ZNF385D: variants seen among roughly 807,000 people sequenced by gnomAD.
The protein encoded by ZNF385D is zinc finger protein 385D, also known as zinc finger protein 659.
ZNF385D carries 15 observed loss-of-function variants against 35.8 expected under a neutral mutation model. That is an observed-to-expected ratio of 0.42 (90% CI 0.28 to 0.64). ZNF385D has a LOEUF of 0.64. Ranked by LOEUF, ZNF385D falls within the 30% of genes least tolerant of loss-of-function variation. ZNF385D has a pLI of 0.23. For synonymous variants in ZNF385D, 212 were observed against 186.8 expected (o/e 1.13, Z -1.10); for missense variants, 474 against 494.6 (o/e 0.96, Z 0.39).
intron 3 of ZNF385D, among the ~76,000 whole-genome samples, chr3:21,876,964 C>G (rs1439794144): frequency 1.3e-5 from 2 of 151,976 alleles, no homozygotes; most frequent in Non-Finnish European, 2.9e-5. Context: ...TTTCCCATTC[C>G]AAGGAAGGAT....
At chr3:21,545,277 T>C (rs1402830006) in intron 3 of ZNF385D, among the ~76,000 whole-genome samples, 2 of 152,184 alleles carry the variant, frequency 1.3e-5, no homozygotes, top group Non-Finnish European at 2.9e-5. Flanking sequence ...GTGATAACTT[T>C]AGAGATTGTA....
At chr3:21,758,392 T>C (rs940413639) in intron 3 of ZNF385D, among the ~76,000 whole-genome samples, 1 of 152,112 alleles carries the variant, frequency 6.6e-6, no homozygotes, top group African/African-American at 2.4e-5. Flanking sequence ...GCAACTCTTG[T>C]TGTGGAAGGA....
chr3:22,184,899 T>G (rs1407329369), intron 2 of ZNF385D, among the ~76,000 whole-genome samples: 1 of 152,192 alleles, frequency 6.6e-6, no homozygotes, highest in East Asian at 1.9e-4. Context: ...AGATACCTGT[T>G]TTTAAAATTT....
intron 5 of ZNF385D, among the ~76,000 whole-genome samples, chr3:21,436,136 C>T (rs938459693): frequency 4.6e-5 from 7 of 151,830 alleles, no homozygotes; most frequent in East Asian, 3.9e-4. Context: ...TCATTGTTTG[C>T]GAGACTGTGT....
chr3:22,222,269 C>G (rs1304348655), intron 2 of ZNF385D, among the ~76,000 whole-genome samples: 1 of 151,826 alleles, frequency 6.6e-6, no homozygotes, highest in Non-Finnish European at 1.5e-5. Context: ...TCCGGCTAAC[C>G]ACTCTCAATT....
intron 3 of ZNF385D, among the ~76,000 whole-genome samples, chr3:21,923,661 G>C (rs1438043568): frequency 6.6e-6 from 1 of 151,782 alleles, no homozygotes; most frequent in South Asian, 2.1e-4. Flanking sequence ...ACACAACATG[G>C]AATACTATGC....
At chr3:21,535,555 A>G (rs1359501007) in intron 3 of ZNF385D, among the ~76,000 whole-genome samples, 2 of 152,154 alleles carry the variant, frequency 1.3e-5, no homozygotes, top group East Asian at 3.8e-4. Context: ...CTTCAAACCA[A>G]TCTGAAGAAT....
At chr3:22,036,878 A>T in intron 3 of ZNF385D, among the ~76,000 whole-genome samples, 1 of 103,244 alleles carries the variant, frequency 9.7e-6, no homozygotes, top group Non-Finnish European at 1.9e-5. Context: ...CCACCCCACA[A>T]CAGGCCCCAG....
chr3:21,736,582 G>A (rs780863246), intron 1 of ZNF385D, among the ~76,000 whole-genome samples: 16 of 152,312 alleles, frequency 1.1e-4, no homozygotes, highest in East Asian at 1.9e-4. Context: ...TACAAAGTGC[G>A]TTCTCCTTGT....
intron 3 of ZNF385D, among the ~76,000 whole-genome samples, chr3:22,009,943 T>C (rs1445091608): frequency 1.3e-5 from 2 of 151,158 alleles, no homozygotes; most frequent in Non-Finnish European, 3.0e-5. Context: ...ATGAAAAATA[T>C]GAAAAAAATG....
At chr3:21,659,078 T>C (rs1262693129) in intron 2 of ZNF385D, among the ~76,000 whole-genome samples, 1 of 152,024 alleles carries the variant, frequency 6.6e-6, no homozygotes, top group Non-Finnish European at 1.5e-5. Flanking sequence ...CTCCTCACTA[T>C]CCTGCTTCTT....
intron 4 of ZNF385D, among the ~76,000 whole-genome samples, chr3:21,489,613 T>C (rs1559341018): frequency 1.3e-5 from 2 of 152,178 alleles, no homozygotes; most frequent in African/African-American, 2.4e-5. Flanking sequence ...ATTGATGCAG[T>C]CATTTCAGTG....
At chr3:21,932,687 C>T (rs1471357436) in intron 3 of ZNF385D, among the ~76,000 whole-genome samples, 2 of 151,856 alleles carry the variant, frequency 1.3e-5, no homozygotes, top group African/African-American at 4.8e-5. Flanking sequence ...AGTAAGCCAT[C>T]TCACTTTACT....
chr3:22,040,639 T>C (rs1026721505), intron 3 of ZNF385D, among the ~76,000 whole-genome samples: 2 of 152,188 alleles, frequency 1.3e-5, no homozygotes, highest in Non-Finnish European at 2.9e-5. Context: ...TTGGACATGG[T>C]AAAGAATTAT....
At chr3:22,036,785 A>T (rs537680894) in intron 3 of ZNF385D, among the ~76,000 whole-genome samples, 1 of 150,030 alleles carries the variant, frequency 6.7e-6, no homozygotes, top group Admixed American at 6.7e-5. Context: ...ATATGTATAC[A>T]TGTGCCATGT....
chr3:21,452,117 T>C (rs1405156505), intron 4 of ZNF385D, among the ~76,000 whole-genome samples: 1 of 152,054 alleles, frequency 6.6e-6, no homozygotes, highest in African/African-American at 2.4e-5. Context: ...TGTGTAGCAA[T>C]ATCATTAGGC....
chr3:21,964,483 T>C (rs1300114952), intron 3 of ZNF385D, among the ~76,000 whole-genome samples: 22 of 91,984 alleles, frequency 2.4e-4, no homozygotes, highest in Non-Finnish European at 4.3e-4. Flanking sequence ...TTTTTTTTTT[T>C]TTTTTTTTTT....
At chr3:21,819,224 T>C (rs555999233) in intron 3 of ZNF385D, among the ~76,000 whole-genome samples, 1 of 151,458 alleles carries the variant, frequency 6.6e-6, no homozygotes, top group South Asian at 2.1e-4. Context: ...GCAGAACAAA[T>C]AAAAGGCACA....
At chr3:21,731,440 G>T (rs146362076) in intron 1 of ZNF385D, among the ~76,000 whole-genome samples, 1 of 152,052 alleles carries the variant, frequency 6.6e-6, no homozygotes, top group Non-Finnish European at 1.5e-5. Flanking sequence ...AGCCTGTCCC[G>T]TTACCAACAT....
Sources: gnomAD v4.1 joint callset for allele counts (sites outside exome capture counted in the v4.1 genomes callset) on GRCh38, gnomAD v4.1.1 for gene constraint, MANE v1.5 for transcripts, NCBI Gene and HGNC (gene_info 2026-07-23, HGNC 2026-07-21) for gene names.